CUX1: variants seen among roughly 807,000 people sequenced by gnomAD.
The protein encoded by CUX1 is protein CASP.
In CUX1, 31 loss-of-function variants were observed where a neutral mutation model predicts 158.8. That is an observed-to-expected ratio of 0.20 (90% CI 0.15 to 0.26). The LOEUF (loss-of-function observed/expected upper bound fraction) is 0.26. Among genes scored for constraint, CUX1 ranks in the 10% least tolerant of loss-of-function variants. The pLI is 1.00. For missense variants in CUX1, 1,589 were observed against 2,014.6 expected, an observed-to-expected ratio of 0.79 and a Z score of 4.04; for synonymous variants, 879 against 862.1, an observed-to-expected ratio of 1.02 and a Z score of -0.34.
Position 102,250,704 on chromosome 7 carries a change from A to C in CUX1, c.*1662A>C. The C allele has an allele frequency of 2.0e-6, 2 of 985,412 alleles. No homozygotes were observed. The highest frequency in any genetic ancestry group is 2.4e-6 in the Non-Finnish European group (2 of 829,936). The allele number at this position is 985,412 out of a possible 1,614,324, so 61.0% of individuals were successfully genotyped here. ...CACAGTTTTAGGGCAGTCTAAGTAC[A>C]AACTGAAAGTCTAACTTGTCTCTGA... is the stretch of plus-strand genomic sequence containing the variant. On this transcript the variant is annotated 3_prime_UTR_variant, in exon 24 of 24. Coordinates refer to ENST00000292535, the MANE Select transcript of CUX1 (RefSeq NM_181552.4).
chr7:101,858,940 T>G (rs1205441677), intron 1 of CUX1, among the ~76,000 whole-genome samples: 1 of 152,178 alleles, frequency 6.6e-6, no homozygotes, highest in Non-Finnish European at 1.5e-5. Context: ...AATGGCTGTT[T>G]AATCACAAGA....
chr7:102,025,757 C>T (rs1013543712), intron 2 of CUX1, among the ~76,000 whole-genome samples: 3 of 152,088 alleles, frequency 2.0e-5, no homozygotes, highest in Non-Finnish European at 2.9e-5. Flanking sequence ...AATGGTATCA[C>T]GTTTAGAAAT....
chr7:102,066,744 T>G (rs394687), intron 3 of CUX1, among the ~76,000 whole-genome samples: 126,583 of 151,916 alleles, frequency 0.83, 52,868 homozygotes, highest in East Asian at 0.99. Context: ...GAGCCCCAGG[T>G]TGCGTTCCAA....
chr7:102,204,338 G>A, intron 18 of CUX1, 53 bp from the exon 19 acceptor site: 3 of 1,598,462 alleles, frequency 1.9e-6, no homozygotes, highest in Non-Finnish European at 2.6e-6. Flanking sequence ...AGCATCTGTG[G>A]TGTCATGCTA....
chr7:102,241,568 A>G (rs554876681), intron 23 of CUX1, among the ~76,000 whole-genome samples: 1 of 152,250 alleles, frequency 6.6e-6, no homozygotes, highest in East Asian at 1.9e-4. Flanking sequence ...CATAAGGTCC[A>G]CTGGAGTTCC....
chr7:101,895,923 T>G (rs1302975456), intron 1 of CUX1, among the ~76,000 whole-genome samples: 1 of 134,486 alleles, frequency 7.4e-6, no homozygotes, highest in Non-Finnish European at 1.6e-5. Context: ...TTTTTTTTTT[T>G]TTTGGAGACA....
rs1405308454 is a variant in CUX1, at chr7:102,180,331, T to TC, written c.1017+1674_1017+1675insC. On this transcript the variant is annotated intron_variant, in intron 11 of 23. Transcript: ENST00000292535. Reference sequence around the variant, plus strand: ...GCCACTGCCTTTTTTTTTTTTTTTTTTTTGAAACGGAGTCTCACTCACTGG... The same window carrying TC: ...GCCACTGCCTTTTTTTTTTTTTTTTTCTTTGAAACGGAGTCTCACTCACTGG... Among the ~76,000 whole-genome samples, 492 of 150,386 alleles carry TC rather than the reference T, an allele frequency of 3.3e-3. 2 individuals are homozygous for TC. The highest frequency in any genetic ancestry group is 0.012 in the African/African-American group (476 of 40,656).
chr7:102,214,516 G>A (rs1223130533), intron 20 of CUX1, among the ~76,000 whole-genome samples: 6 of 152,258 alleles, frequency 3.9e-5, no homozygotes, highest in Admixed American at 3.9e-4. Context: ...GTTGGAAAAT[G>A]TGTAATCCAC....
intron 2 of CUX1, among the ~76,000 whole-genome samples, chr7:101,954,929 T>G (rs1337091060): frequency 6.6e-6 from 1 of 152,080 alleles, no homozygotes; most frequent in Admixed American, 6.6e-5. Flanking sequence ...CCCAGCACTT[T>G]GGGAAGCCGA....
intron 3 of CUX1, among the ~76,000 whole-genome samples, chr7:102,052,366 T>C (rs1823621186): frequency 6.6e-6 from 1 of 152,246 alleles, no homozygotes. Context: ...ACATTTCATA[T>C]CAATGAGATC....
intron 10 of CUX1, among the ~76,000 whole-genome samples, chr7:102,174,882 G>A (rs1334378534): frequency 6.6e-6 from 1 of 152,154 alleles, no homozygotes; most frequent in Non-Finnish European, 1.5e-5. Flanking sequence ...CCTGGGAGGG[G>A]GAGGTTGCAG....
At chr7:102,267,778 C>T (rs950600298) in intron 14 of CUX1, among the ~76,000 whole-genome samples, 1 of 152,140 alleles carries the variant, frequency 6.6e-6, no homozygotes, top group Non-Finnish European at 1.5e-5. Context: ...GCGATCCTCC[C>T]GCCTTAGCCT....
Position 102,168,946 on chromosome 7 carries a change from T to C in CUX1, c.724-1500T>C, listed in dbSNP as rs530753700. ...TTCTTTTCTTTTATTTTCTTTTTTT[T>C]TTTGAGATGTGGTTTTGCTCTTGTT... On this transcript the variant is annotated intron_variant, in intron 9 of 23. Transcript: ENST00000292535. 2.1e-5 allele frequency among the ~76,000 whole-genome samples: 3 copies of C among 143,184 alleles called. No individual in the cohort carries two copies. In the Admixed American group the frequency reaches 2.1e-4, roughly 10 times the overall value. 93.9% of individuals were successfully genotyped at this position (143,184 alleles called of 152,430 possible).
intron 7 of CUX1, 122 bp downstream of exon 7, chr7:102,111,896 C>A: frequency 1.3e-6 from 1 of 767,260 alleles, no homozygotes. Flanking sequence ...TGGGAGCTGC[C>A]GGGAGCCCAC....
At chr7:102,073,165 C>CTTTCTTTTTTTTTTTTTTTTTTTTT (rs1407935481) in intron 4 of CUX1, among the ~76,000 whole-genome samples, 1 of 66,890 alleles carries the variant, frequency 1.5e-5, no homozygotes, top group Non-Finnish European at 2.5e-5. Flanking sequence ...TCTTTTCTTT[C>CTTTCTTTTTTTTTTTTTTTTTTTTT]TTTTTTTTTT....
chr7:101,826,292 G>A (rs1034198863), intron 1 of CUX1, among the ~76,000 whole-genome samples: 2 of 151,804 alleles, frequency 1.3e-5, no homozygotes, highest in Admixed American at 6.6e-5. Flanking sequence ...TTGACCTCCC[G>A]GGCTCAAGCA....
chr7:102,008,268 A>G (rs1390545720), intron 2 of CUX1, among the ~76,000 whole-genome samples: 1 of 151,444 alleles, frequency 6.6e-6, no homozygotes, highest in Non-Finnish European at 1.5e-5. Flanking sequence ...CCCCTCTCCC[A>G]TGTCTTACTC....
At chr7:102,277,933 G>GCGTGGC in intron 17 of CUX1, 2 of 799,636 alleles carry the variant, frequency 2.5e-6, no homozygotes, top group Non-Finnish European at 1.8e-6. Context: ...CCCTTTCCTT[G>GCGTGGC]CCCCTCCCCC....
intron 2 of CUX1, among the ~76,000 whole-genome samples, chr7:102,022,746 C>T (rs1819531778): frequency 1.3e-5 from 2 of 152,202 alleles, no homozygotes. Context: ...TGGCTTTTGC[C>T]AAAAGGCATA....
Sources: gnomAD v4.1 joint callset for allele counts (sites outside exome capture counted in the v4.1 genomes callset) on GRCh38, gnomAD v4.1.1 for gene constraint, MANE v1.5 for transcripts, NCBI Gene and HGNC (gene_info 2026-07-23, HGNC 2026-07-21) for gene names.